Variants in SIM1 observed in about 807,000 individuals in gnomAD.
The protein encoded by SIM1 is SIM bHLH transcription factor 1.
A neutral mutation model predicts 78.2 loss-of-function variants in SIM1; 18 were observed. That is an observed-to-expected ratio of 0.23 (90% CI 0.16 to 0.34). SIM1 has a LOEUF of 0.34. Ranked by LOEUF, SIM1 falls within the 10% of genes least tolerant of loss-of-function variation. The probability of loss-of-function intolerance (pLI) is 1.00; values close to 1 mark genes in which losing one functional copy is unlikely to be tolerated. For synonymous variants in SIM1, 417 were observed against 385.2 expected (o/e 1.08, Z -0.97); for missense variants, 939 against 975.1 (o/e 0.96, Z 0.49).
chr6:100,448,011 C>CCT (rs1214847645), intron 8 of SIM1, 135 bp downstream of exon 8: 1 of 649,042 alleles, frequency 1.5e-6, no homozygotes, highest in Admixed American at 2.8e-5. Flanking sequence ...CCTCAGGAGG[C>CCT]CTCACACACC....
At chr6:100,449,302 G>T (rs568776110) in intron 6 of SIM1, 61 bp downstream of exon 6, 2 of 1,407,266 alleles carry the variant, frequency 1.4e-6, no homozygotes, top group South Asian at 2.3e-5. Flanking sequence ...CTCCCACGCC[G>T]CACGCGCCTT....
Position 100,390,305 on chromosome 6 carries a change from T to G in SIM1, c.*56A>C, listed in dbSNP as rs1770603424. The stretch of plus-strand genomic sequence containing the variant: ...CATAGTAAATGCTGGTAATGGGGTA[T>G]TAAACTATAAATATGTTTCAGAGAT... On this transcript the variant is annotated 3_prime_UTR_variant, in exon 12 of 12. Coordinates refer to ENST00000369208, the MANE Select transcript of SIM1 (RefSeq NM_005068.3). 2.6e-6 allele frequency: 4 copies of G among 1,557,630 alleles called. No homozygotes were observed. Among genetic ancestry groups the G allele is most frequent in the Middle Eastern group, 1.7e-4 (1 of 5,762 alleles).
intron 10 of SIM1, among the ~76,000 whole-genome samples, chr6:100,395,590 C>T (rs1409706844): frequency 6.6e-6 from 1 of 152,184 alleles, no homozygotes; most frequent in African/African-American, 2.4e-5. Flanking sequence ...TTATTTCTTA[C>T]CCCAGAATAA....
intron 2 of SIM1, among the ~76,000 whole-genome samples, chr6:100,459,246 T>C (rs1772773919): frequency 6.6e-6 from 1 of 152,176 alleles, no homozygotes; most frequent in Non-Finnish European, 1.5e-5. Context: ...TTATTAGTGA[T>C]CCCTCCCATT....
At position 100,449,628 on chromosome 6, in the gene SIM1, G is replaced by A. The variant is rs1443660433; in HGVS notation, c.420C>T (p.Leu140=). ...PADHDEMTAV[L]TAHQPYHSHF... ...GAGAGTGGTAGGGTTGATGGGCGGT[G>A]AGCACCGCCGTCATCTCGTCGTGGT... Residue 140 remains leucine (L), a synonymous_variant, in exon 5 of 12, where the codon CTC becomes CTT. Transcript: ENST00000369208. 6.2e-7 allele frequency: 1 copy of A among 1,614,144 alleles called. No individual in the cohort carries two copies. The highest frequency in any genetic ancestry group is 1.1e-5 in the South Asian group (1 of 91,088).
chr6:100,449,930 A>G (rs1180037707), intron 4 of SIM1, among the ~76,000 whole-genome samples: 2 of 152,164 alleles, frequency 1.3e-5, no homozygotes, highest in Non-Finnish European at 2.9e-5. Context: ...GATAATAATA[A>G]TAGTAGTAAT....
At chr6:100,391,211 T>A in intron 11 of SIM1, 120 bp from the exon 12 acceptor site, 1 of 1,093,452 alleles carries the variant, frequency 9.1e-7, no homozygotes, top group South Asian at 1.8e-5. Context: ...GCACCAATAT[T>A]TGAAACAGGC....
chr6:100,456,885 G>A (rs2114552603), intron 2 of SIM1, among the ~76,000 whole-genome samples: 1 of 152,266 alleles, frequency 6.6e-6, no homozygotes, highest in South Asian at 2.1e-4. Context: ...GACTGCACGG[G>A]TTTTGTAATT....
chr6:100,448,413 T>C, intron 7 of SIM1, 66 bp downstream of exon 7: 7 of 1,520,028 alleles, frequency 4.6e-6, no homozygotes, highest in Non-Finnish European at 6.3e-6. Context: ...TAGACGGAAA[T>C]CTCTCAGTCA....
rs536413631 is a variant in SIM1, at chr6:100,389,660, G to A, written c.*701C>T. 7.5e-5 allele frequency: 30 copies of A among 398,902 alleles called. No homozygotes were observed. Among genetic ancestry groups the A allele is most frequent in the African/African-American group, 4.1e-4 (20 of 48,692 alleles). The allele number at this position is 398,902 out of a possible 1,614,324, so 24.7% of individuals were successfully genotyped here. A position where few individuals can be genotyped will look rare whatever the true frequency, so the allele number is the denominator to read the frequency against. On this transcript the variant is annotated 3_prime_UTR_variant, in exon 12 of 12. Transcript: ENST00000369208. Reference sequence around the variant, plus strand: ...GTTCTTACTTAGAAAAACCCTCAGCGCCATGTCAGTGCAATCCTGGTCCTT... The same window carrying A: ...GTTCTTACTTAGAAAAACCCTCAGCACCATGTCAGTGCAATCCTGGTCCTT...
At chr6:100,393,378 T>C in intron 11 of SIM1, 109 bp downstream of exon 11, 1 of 1,026,472 alleles carries the variant, frequency 9.7e-7, no homozygotes, top group Non-Finnish European at 1.3e-6. Flanking sequence ...GGTTCTGATT[T>C]GTAAATCAAA....
chr6:100,440,385 G>A (rs980030858), intron 9 of SIM1, among the ~76,000 whole-genome samples: 6 of 152,066 alleles, frequency 3.9e-5, no homozygotes, highest in African/African-American at 1.4e-4. Context: ...TGATACTGTG[G>A]GTCTTTATAA....
chr6:100,442,875 T>G (rs967642592), intron 9 of SIM1, among the ~76,000 whole-genome samples: 2 of 152,060 alleles, frequency 1.3e-5, no homozygotes, highest in African/African-American at 4.8e-5. Context: ...ATGAACATAT[T>G]TTAATGTTTG....
intron 10 of SIM1, among the ~76,000 whole-genome samples, chr6:100,413,162 T>G (rs1369546441): frequency 6.6e-6 from 1 of 152,202 alleles, no homozygotes. Flanking sequence ...TGTTTACATT[T>G]TAATCTTCCC....
At position 100,392,548 on chromosome 6, in the gene SIM1, G is replaced by T. The variant is rs187094256; in HGVS notation, c.1570+939C>A. ...TTTCCATTACCAGTCTACCAAACTAGAGATACTCAAAGTAAAATCAGAAAA... is the reference window on the plus strand; with the variant it reads ...TTTCCATTACCAGTCTACCAAACTATAGATACTCAAAGTAAAATCAGAAAA... On this transcript the variant is annotated intron_variant, in intron 11 of 11. Transcript: ENST00000369208. 1.2e-3 allele frequency among the ~76,000 whole-genome samples: 180 copies of T among 152,300 alleles called. 1 individual carries two copies. Among genetic ancestry groups the T allele is most frequent in the African/African-American group, 4.2e-3 (174 of 41,562 alleles).
rs1416510204 is a variant in SIM1, at chr6:100,450,692, TCTCTCACACACA to T, written c.259-348_259-337del. Among the ~76,000 whole-genome samples, 8 of 88,288 alleles carry T rather than the reference TCTCTCACACACA, an allele frequency of 9.1e-5. No homozygotes were observed. The East Asian group carries it at 2.1e-3, about 23-fold the overall frequency. The allele number at this position is 88,288 out of a possible 152,430, so 57.9% of individuals were successfully genotyped here. On this transcript the variant is annotated intron_variant, in intron 3 of 11. Transcript: ENST00000369208. ...CTCTCTCTCTCTCTCTCTCTCTCTC[TCTCTCACACACA>T]CACACACACACACACACACACACAC... is the stretch of plus-strand genomic sequence containing the variant.
At chr6:100,397,812 C>T (rs1242425011) in intron 10 of SIM1, among the ~76,000 whole-genome samples, 1 of 152,028 alleles carries the variant, frequency 6.6e-6, no homozygotes, top group Non-Finnish European at 1.5e-5. Flanking sequence ...ATATACAGAA[C>T]TCCCAAAAAT....
Position 100,399,752 on chromosome 6 carries a change from A to G in SIM1, c.1168-5863T>C, listed in dbSNP as rs114047554. ...AGTATTAAATAATATGACAGCATTG[A>G]GTCAAACATATCAACCCCATCCATA... On this transcript the variant is annotated intron_variant, in intron 10 of 11. Transcript: ENST00000369208. 8.1e-3 allele frequency among the ~76,000 whole-genome samples: 1,240 copies of G among 152,232 alleles called. 16 individuals are homozygous for G. Among genetic ancestry groups the G allele is most frequent in the African/African-American group, 0.028 (1,182 of 41,580 alleles).
chr6:100,442,031 C>A (rs1772232634), intron 9 of SIM1, among the ~76,000 whole-genome samples: 1 of 152,162 alleles, frequency 6.6e-6, no homozygotes. Flanking sequence ...ACTTACTCAG[C>A]ATATCTGAGC....
Sources: allele counts gnomAD v4.1 joint callset (sites outside exome capture counted in the v4.1 genomes callset), GRCh38; gene constraint gnomAD v4.1.1; transcripts MANE v1.5; gene names NCBI Gene and HGNC (gene_info 2026-07-23, HGNC 2026-07-21).